The following GALNT10 variants were observed in gnomAD, a reference collection of about 807,000 sequenced individuals.
GALNT10 encodes the protein polypeptide N-acetylgalactosaminyltransferase 10.
A neutral mutation model predicts 75.0 loss-of-function variants in GALNT10; 41 were observed. The ratio of observed to expected loss-of-function variants is 0.55; its 90% confidence interval spans 0.43 to 0.71. The LOEUF (loss-of-function observed/expected upper bound fraction) is 0.71, where lower values mean the gene tolerates loss of function less well. Ranked by LOEUF, GALNT10 falls within the 30% of genes least tolerant of loss-of-function variation. The probability of loss-of-function intolerance (pLI) is 0.00; values close to 1 mark genes in which losing one functional copy is unlikely to be tolerated. For synonymous variants in GALNT10, 302 were observed against 313.0 expected, an observed-to-expected ratio of 0.96 and a Z score of 0.37; for missense variants, 727 against 818.5, an observed-to-expected ratio of 0.89 and a Z score of 1.36.
In GALNT10 at chr5:154,416,458, T is replaced by A. The variant is rs1199780142; in HGVS notation, c.1654-356T>A. On this transcript the variant is annotated intron_variant, in intron 11 of 11. Transcript: ENST00000297107. The surrounding 1 kb of genome is among the most constrained non-coding windows in gnomAD (Gnocchi z 4.5). ...AAAAAAATTAAAAAAATTAAAAAAA[T>A]AAAAGATAAAAGGAAAGCACATACA... 6.3e-5 allele frequency among the ~76,000 whole-genome samples: 8 copies of A among 126,196 alleles called. No homozygotes were observed. The highest frequency in any genetic ancestry group is 1.6e-4 in the Admixed American group (2 of 12,220). The allele number at this position is 126,196 out of a possible 152,430, so 82.8% of individuals were successfully genotyped here. A position where few individuals can be genotyped will look rare whatever the true frequency, so the allele number is the denominator to read the frequency against.
rs1053403784 is a variant in GALNT10 at position 154,419,808 on chromosome 5, A to T, written c.*2836A>T. On this transcript the variant is annotated 3_prime_UTR_variant, in exon 12 of 12. Coordinates refer to ENST00000297107, the MANE Select transcript of GALNT10 (RefSeq NM_198321.4). ...AGGTTTCTGCTCACATCCCCAGCTG[A>T]TGCTCAATAAAACTCAGCCAGGAGC... 6.6e-6 allele frequency: 1 copy of T among 152,222 alleles called. No homozygotes were observed. Among genetic ancestry groups the T allele is most frequent in the Non-Finnish European group, 1.5e-5 (1 of 68,040 alleles). The allele number at this position is 152,222 out of a possible 1,614,324, so 9.4% of individuals were successfully genotyped here.
chr5:154,344,209 C>CTTTT (rs869306243), intron 4 of GALNT10, among the ~76,000 whole-genome samples: 4 of 35,510 alleles, frequency 1.1e-4, no homozygotes, highest in Non-Finnish European at 1.5e-4. Context: ...TTCTTTCTTT[C>CTTTT]TTTTTTTTTT....
chr5:154,259,847 A>T (rs181453411), intron 1 of GALNT10, among the ~76,000 whole-genome samples: 18 of 152,360 alleles, frequency 1.2e-4, no homozygotes, highest in African/African-American at 4.3e-4. Flanking sequence ...CAACAACATG[A>T]AGTATAACTG....
At position 154,192,039 on chromosome 5, in the gene GALNT10, A is replaced by C. The variant is rs186833640; in HGVS notation, c.159+1014A>C. Among the ~76,000 whole-genome samples, 4 of 152,350 alleles carry C rather than the reference A, an allele frequency of 2.6e-5. No individual in the cohort carries two copies. The East Asian group carries it at 7.7e-4, about 29-fold the overall frequency. ...TTGCTTAGACTGTTTCATATAGTGG[A>C]ACATTTCAGGCTTTCTTACGGGATT... On this transcript the variant is annotated intron_variant, in intron 1 of 11. Transcript: ENST00000297107.
intron 1 of GALNT10, among the ~76,000 whole-genome samples, chr5:154,236,031 G>A (rs1481659127): frequency 1.3e-5 from 2 of 152,180 alleles, no homozygotes; most frequent in African/African-American, 2.4e-5. Flanking sequence ...CCACTCTTGT[G>A]CACAATGATG....
At chr5:154,224,676 T>C (rs1310166694) in intron 1 of GALNT10, among the ~76,000 whole-genome samples, 1 of 152,228 alleles carries the variant, frequency 6.6e-6, no homozygotes, top group East Asian at 1.9e-4. Context: ...TCATTTGATA[T>C]TTATGGAGTA....
At chr5:154,393,926 T>C (rs570246430) in intron 7 of GALNT10, among the ~76,000 whole-genome samples, 26 of 152,266 alleles carry the variant, frequency 1.7e-4, no homozygotes, top group African/African-American at 4.8e-4. Flanking sequence ...CAGCACATTG[T>C]TGGGGCCATT....
intron 2 of GALNT10, among the ~76,000 whole-genome samples, chr5:154,295,403 G>A (rs1754258208): frequency 6.6e-6 from 1 of 150,846 alleles, no homozygotes; most frequent in Non-Finnish European, 1.5e-5. Context: ...GGGGCCTGTG[G>A]CGCTAAGAGG....
chr5:154,306,379 T>C (rs1375330467), intron 3 of GALNT10, among the ~76,000 whole-genome samples: 2 of 152,206 alleles, frequency 1.3e-5, no homozygotes, highest in African/African-American at 4.8e-5. Context: ...AATAATCCTT[T>C]TAAACTTTCC....
At chr5:154,305,319 A>G (rs1754418060) in intron 3 of GALNT10, among the ~76,000 whole-genome samples, 1 of 151,926 alleles carries the variant, frequency 6.6e-6, no homozygotes, top group African/African-American at 2.4e-5. Context: ...AAAGAAGAAG[A>G]AGAAATAGAA....
intron 1 of GALNT10, among the ~76,000 whole-genome samples, chr5:154,222,509 G>GTA (rs1230840904): frequency 1.3e-5 from 2 of 151,890 alleles, no homozygotes; most frequent in East Asian, 3.8e-4. Context: ...GGATTGTATG[G>GTA]TATATATATA....
chr5:154,377,901 C>G (rs545984464), intron 5 of GALNT10, among the ~76,000 whole-genome samples: 26 of 151,966 alleles, frequency 1.7e-4, no homozygotes, highest in African/African-American at 5.8e-4. Context: ...ATTTATAGTC[C>G]TGAAGGAACA....
chr5:154,194,872 G>T (rs1774911925), intron 1 of GALNT10, among the ~76,000 whole-genome samples: 1 of 152,198 alleles, frequency 6.6e-6, no homozygotes, highest in Non-Finnish European at 1.5e-5. Context: ...TAGATACTGT[G>T]TTAGGGCTTT....
chr5:154,191,444 C>T, intron 1 of GALNT10, among the ~76,000 whole-genome samples: 1 of 120,176 alleles, frequency 8.3e-6, no homozygotes, highest in East Asian at 2.1e-4. Context: ...CACCCCCCCC[C>T]CCCCACAACC....
chr5:154,300,831 C>G (rs1356293637), intron 3 of GALNT10, among the ~76,000 whole-genome samples: 2 of 152,172 alleles, frequency 1.3e-5, no homozygotes, highest in African/African-American at 4.8e-5. Flanking sequence ...ATACCCCTGA[C>G]CCTGTGTCTG....
chr5:154,203,427 A>G (rs1403543685), intron 1 of GALNT10, among the ~76,000 whole-genome samples: 1 of 152,110 alleles, frequency 6.6e-6, no homozygotes, highest in Non-Finnish European at 1.5e-5. Flanking sequence ...AATGGTTACC[A>G]TCTTTGACTT....
intron 1 of GALNT10, among the ~76,000 whole-genome samples, chr5:154,195,279 G>A (rs1207885352): frequency 6.6e-6 from 1 of 152,256 alleles, no homozygotes; most frequent in Non-Finnish European, 1.5e-5. Context: ...GGTGTTTGCA[G>A]AGGTTTCGTG....
At chr5:154,264,644 T>C (rs929720369) in intron 1 of GALNT10, among the ~76,000 whole-genome samples, 1 of 152,148 alleles carries the variant, frequency 6.6e-6, no homozygotes, top group Non-Finnish European at 1.5e-5. Flanking sequence ...TGTTCAAAAT[T>C]GTAGGCTAAC....
intron 7 of GALNT10, chr5:154,386,725 T>C (rs1258087867): frequency 1.8e-6 from 1 of 551,784 alleles, no homozygotes; most frequent in Non-Finnish European, 3.2e-6. Context: ...TTGCTTCTAC[T>C]CAGATGGCAG....
Sources: gnomAD v4.1 joint callset for allele counts (sites outside exome capture counted in the v4.1 genomes callset) on GRCh38, gnomAD v4.1.1 for gene constraint, Gnocchi (gnomAD v3.1) non-coding constraint, MANE v1.5 for transcripts, NCBI Gene and HGNC (gene_info 2026-07-23, HGNC 2026-07-21) for gene names.